TRAK2: variants seen among roughly 807,000 people sequenced by gnomAD.
TRAK2 encodes the protein trafficking kinesin-binding protein 2.
In TRAK2, 81 loss-of-function variants were observed where a neutral mutation model predicts 104.6. That is an observed-to-expected ratio of 0.77 (90% CI 0.65 to 0.93). The LOEUF is 0.93. TRAK2 is among the 40% of genes least tolerant of loss of function. The probability of loss-of-function intolerance (pLI) is 0.00; values close to 1 mark genes in which losing one functional copy is unlikely to be tolerated. For synonymous variants in TRAK2, 406 were observed against 394.4 expected (o/e 1.03, Z -0.35); for missense variants, 1,002 against 1,089.0 (o/e 0.92, Z 1.12).
intron 1 of TRAK2, among the ~76,000 whole-genome samples, chr2:201,451,108 A>G (rs1952030033): frequency 6.6e-6 from 1 of 152,236 alleles, no homozygotes; most frequent in Non-Finnish European, 1.5e-5. Flanking sequence ...GCCAAGCCTC[A>G]GATGTGCAGC....
intron 1 of TRAK2, among the ~76,000 whole-genome samples, chr2:201,449,534 G>A (rs1463300638): frequency 6.7e-6 from 1 of 148,448 alleles, no homozygotes; most frequent in Non-Finnish European, 1.5e-5. Flanking sequence ...GCCCAGACTG[G>A]AGTGCAATGG....
rs763895647 is a variant in TRAK2, at chr2:201,407,455, A to G, written c.234T>C (p.His78=). Reference sequence around the variant, plus strand: ...GGACTGGAGAGAGAGCATCAGATGCATGCTGCCGCTGGTGTGGAGACTGAG... The same window carrying G: ...GGACTGGAGAGAGAGCATCAGATGCGTGCTGCCGCTGGTGTGGAGACTGAG... The part of the protein sequence containing the change: ...DWTQSPHQRQ[H]ASDALSPVLA... Residue 78 remains histidine (H), a synonymous_variant, in exon 3 of 16, where the codon CAT becomes CAC. Transcript: ENST00000332624. 12 of 1,613,998 alleles carry G rather than the reference A, an allele frequency of 7.4e-6. No individual in the cohort carries two copies. The highest frequency in any genetic ancestry group is 1.7e-6 in the Non-Finnish European group (2 of 1,179,972).
chr2:201,419,334 C>CT (rs1301649265), intron 2 of TRAK2: 1 of 154,072 alleles, frequency 6.5e-6, no homozygotes, highest in Admixed American at 6.5e-5. Context: ...TTTTCATGTA[C>CT]TGTCCAAGGC....
chr2:201,424,161 GGAA>G (rs1951766428), intron 1 of TRAK2, among the ~76,000 whole-genome samples: 1 of 152,128 alleles, frequency 6.6e-6, no homozygotes, highest in Non-Finnish European at 1.5e-5. Flanking sequence ...GAACTTGGAA[GGAA>G]GAAGAAAGCA....
intron 1 of TRAK2, among the ~76,000 whole-genome samples, chr2:201,438,369 C>T (rs1951894307): frequency 6.6e-6 from 1 of 152,148 alleles, no homozygotes; most frequent in South Asian, 2.1e-4. Flanking sequence ...TAATAGTTAG[C>T]TGATTGAGTA....
At position 201,410,483 on chromosome 2, in the gene TRAK2, A is replaced by C. The variant is rs1252755536; in HGVS notation, c.92-2886T>G. The C allele has an allele frequency of 6.6e-6, 5 of 758,838 alleles. No individual in the cohort carries two copies. In the East Asian group the frequency reaches 1.2e-4, roughly 19 times the overall value. 47.0% of individuals were successfully genotyped at this position (758,838 alleles called of 1,614,324 possible). On this transcript the variant is annotated intron_variant, in intron 2 of 15. Coordinates refer to ENST00000332624, the MANE Select transcript of TRAK2 (RefSeq NM_015049.3). ...GAAGTAGTTCCTCCAAGCCAACTAC[A>C]TAAAGATGTAAATCAGCTCACCCAT...
chr2:201,427,165 T>A (rs1011507362), intron 1 of TRAK2, among the ~76,000 whole-genome samples: 1 of 152,126 alleles, frequency 6.6e-6, no homozygotes, highest in African/African-American at 2.4e-5. Flanking sequence ...GATAAAAAGA[T>A]GATGTCTTCT....
At chr2:201,386,593 CTATT>C (rs1313370558) in intron 13 of TRAK2, 109 bp from the exon 14 acceptor site, 3 of 1,369,430 alleles carry the variant, frequency 2.2e-6, no homozygotes, top group Non-Finnish European at 3.0e-6. Flanking sequence ...AGCAATAAAA[CTATT>C]TATTTGGTGT....
chr2:201,389,727 G>T, intron 11 of TRAK2, 74 bp downstream of exon 11: 1 of 1,351,506 alleles, frequency 7.4e-7, no homozygotes. Flanking sequence ...CGTAATACTT[G>T]CCACTTTGGA....
At chr2:201,411,587 T>TTCAA in intron 2 of TRAK2, 3 of 776,638 alleles carry the variant, frequency 3.9e-6, no homozygotes, top group Non-Finnish European at 7.1e-6. Context: ...TAAGATTGTT[T>TTCAA]TCAATACTCA....
intron 14 of TRAK2, among the ~76,000 whole-genome samples, chr2:201,385,915 C>T (rs1288010169): frequency 6.6e-6 from 1 of 152,056 alleles, no homozygotes; most frequent in African/African-American, 2.4e-5. Flanking sequence ...ATAGATATAA[C>T]CTGCACAGAT....
At chr2:201,423,977 C>T (rs1951764915) in intron 1 of TRAK2, among the ~76,000 whole-genome samples, 1 of 152,160 alleles carries the variant, frequency 6.6e-6, no homozygotes, top group African/African-American at 2.4e-5. Context: ...AACTCAGATA[C>T]TTTAATTTTA....
chr2:201,381,376 A>G (rs1951344104), intron 15 of TRAK2, among the ~76,000 whole-genome samples, 158 bp from the exon 16 acceptor site: 1 of 152,234 alleles, frequency 6.6e-6, no homozygotes, highest in South Asian at 2.1e-4. Context: ...GATCTGGGGA[A>G]TGAAAATTTT....
chr2:201,401,477 A>G (rs1951550263), intron 3 of TRAK2, among the ~76,000 whole-genome samples: 1 of 152,046 alleles, frequency 6.6e-6, no homozygotes, highest in Non-Finnish European at 1.5e-5. Context: ...ACTAAGGGGT[A>G]TCAGTGAGGG....
rs369969654 is a variant in TRAK2, at chr2:201,394,343, C to CTTT, written c.975+452_975+454dup. The stretch of plus-strand genomic sequence containing the variant: ...ACTTTTAAAATGCTTTATTCTTTTT[C>CTTT]TTTCTTTTTTTTTTTTTGAGACGAA... On this transcript the variant is annotated intron_variant, in intron 9 of 15. Transcript: ENST00000332624. 1.4e-4 allele frequency among the ~76,000 whole-genome samples: 18 copies of CTTT among 126,556 alleles called. 3 individuals carry two copies. Among genetic ancestry groups the CTTT allele is most frequent in the Non-Finnish European group, 2.5e-4 (15 of 59,430 alleles). 83.0% of individuals were successfully genotyped at this position (126,556 alleles called of 152,430 possible).
At position 201,439,358 on chromosome 2, in the gene TRAK2, G is replaced by T. The variant is rs904593892; in HGVS notation, c.-200+11992C>A. Among the ~76,000 whole-genome samples, 141 of 151,952 alleles carry T rather than the reference G, an allele frequency of 9.3e-4. 1 individual carries two copies. Among genetic ancestry groups the T allele is most frequent in the African/African-American group, 3.2e-3 (132 of 41,352 alleles). On this transcript the variant is annotated intron_variant, in intron 1 of 15. Coordinates refer to ENST00000332624, the MANE Select transcript of TRAK2 (RefSeq NM_015049.3). ...TCCCTAGAGATGGGATTGACAACAT[G>T]ATGGCAAAAATACCACAGAATCTTT...
chr2:201,431,182 G>A (rs1951839369), intron 1 of TRAK2, among the ~76,000 whole-genome samples: 1 of 152,234 alleles, frequency 6.6e-6, no homozygotes, highest in Non-Finnish European at 1.5e-5. Flanking sequence ...ATTCCTTCAT[G>A]GGTCTGAGGA....
chr2:201,389,827 A>C lies in TRAK2; in HGVS notation c.1167T>G (p.Asp389Glu), dbSNP rs1355140269. The change falls in exon 11 of 16, where the codon GAT becomes GAG. Residue 389 changes from aspartate (D) to glutamate (E), a missense_variant. Physicochemically the swap from Asp to Glu is conservative, Grantham distance 45. Transcript: ENST00000332624. ...TTTGTTTAAAGAGAGAAGATTCCTC[A>C]TCCAAACTCAGCTTTTTACGCATAG... The part of the protein sequence containing the change: ...EGTMRKKLSL[D>E]EESSLFKQKA... 1 of 1,613,512 alleles carries C rather than the reference A, an allele frequency of 6.2e-7. No individual in the cohort carries two copies. The highest frequency in any genetic ancestry group is 1.3e-5 in the African/African-American group (1 of 74,898).
At chr2:201,399,690 C>T (rs1951533283) in intron 4 of TRAK2, among the ~76,000 whole-genome samples, 197 bp from the exon 5 acceptor site, 1 of 152,042 alleles carries the variant, frequency 6.6e-6, no homozygotes, top group Non-Finnish European at 1.5e-5. Flanking sequence ...TGGATGACCA[C>T]CACTGTTCTA....
Sources: allele counts gnomAD v4.1 joint callset (sites outside exome capture counted in the v4.1 genomes callset), GRCh38; gene constraint gnomAD v4.1.1; transcripts MANE v1.5; gene names NCBI Gene and HGNC (gene_info 2026-07-23, HGNC 2026-07-21).